Variants in CAMK1D observed in about 807,000 individuals in gnomAD.
CAMK1D encodes calcium/calmodulin dependent protein kinase ID, also known as calcium/calmodulin-dependent protein kinase type 1D.
In CAMK1D, 9 loss-of-function variants were observed where a neutral mutation model predicts 47.7. The ratio of observed to expected loss-of-function variants is 0.19; its 90% CI spans 0.11 to 0.33. The LOEUF is 0.33. CAMK1D is among the 10% of genes least tolerant of loss of function. The pLI, the probability that CAMK1D is intolerant of heterozygous loss-of-function variation, is 1.00. For synonymous variants in CAMK1D, 184 were observed against 184.9 expected (o/e 0.99, Z 0.04); for missense variants, 291 against 488.7 (o/e 0.60, Z 3.81).
chr10:12,771,393 A>G (rs938055143), intron 5 of CAMK1D, among the ~76,000 whole-genome samples: 1 of 152,230 alleles, frequency 6.6e-6, no homozygotes, highest in African/African-American at 2.4e-5. Context: ...CCGGCCTCAA[A>G]CTAAAGGAGA....
intron 1 of CAMK1D, among the ~76,000 whole-genome samples, chr10:12,406,289 G>T (rs1328569408): frequency 6.6e-6 from 1 of 152,110 alleles, no homozygotes; most frequent in Admixed American, 6.5e-5. Context: ...CCTGGTTCAG[G>T]ACCGTCATGT....
At chr10:12,674,598 G>GTTTTTTTTTTTT (rs1491441824) in intron 3 of CAMK1D, among the ~76,000 whole-genome samples, 66 of 16,590 alleles carry the variant, frequency 4.0e-3, no homozygotes, top group South Asian at 8.5e-3. Flanking sequence ...TTGGAAAAAT[G>GTTTTTTTTTTTT]CTTTTTTTTT....
At chr10:12,732,636 A>G (rs1385655475) in intron 3 of CAMK1D, among the ~76,000 whole-genome samples, 3 of 151,904 alleles carry the variant, frequency 2.0e-5, no homozygotes, top group Non-Finnish European at 4.4e-5. Context: ...AGAATAGCAC[A>G]GGAAAGATGG....
chr10:12,612,339 CTTTTTTTT>C (rs11333936), intron 2 of CAMK1D, among the ~76,000 whole-genome samples: 1 of 121,732 alleles, frequency 8.2e-6, no homozygotes, highest in African/African-American at 3.0e-5. Context: ...TAATTAATTA[CTTTTTTTT>C]TTTTTTTTTT....
At chr10:12,603,656 C>T (rs1185955258) in intron 2 of CAMK1D, among the ~76,000 whole-genome samples, 1 of 152,150 alleles carries the variant, frequency 6.6e-6, no homozygotes, top group East Asian at 1.9e-4. Context: ...GATTAGCACC[C>T]GCTGGGGATC....
At chr10:12,492,585 A>G (rs1834420267) in intron 1 of CAMK1D, among the ~76,000 whole-genome samples, 1 of 152,110 alleles carries the variant, frequency 6.6e-6, no homozygotes, top group African/African-American at 2.4e-5. Flanking sequence ...TTTGAGGCCA[A>G]GAGTTTAAGA....
chr10:12,459,374 C>T (rs566841246), intron 1 of CAMK1D, among the ~76,000 whole-genome samples: 13 of 152,092 alleles, frequency 8.5e-5, no homozygotes, highest in Non-Finnish European at 1.6e-4. Context: ...GGTTAATGTT[C>T]TCTGAATGAT....
intron 3 of CAMK1D, among the ~76,000 whole-genome samples, chr10:12,749,446 A>T (rs964475579): frequency 3.2e-5 from 4 of 125,026 alleles, no homozygotes; most frequent in African/African-American, 1.9e-4. Flanking sequence ...AGAAAGTTAA[A>T]AAAAAAAAAA....
chr10:12,370,912 GTTTTAATTTTTAACAAAATTAAAAAGTTA>G (rs1444133752), intron 1 of CAMK1D, among the ~76,000 whole-genome samples: 1 of 151,916 alleles, frequency 6.6e-6, no homozygotes, highest in Admixed American at 6.6e-5. Context: ...CCGGCCTTGT[GTTTTAATTTTTAACAAAATTAAAAAGTTA>G]AAAGAATAGG....
At chr10:12,373,956 C>CAAAAAAA (rs35008954) in intron 1 of CAMK1D, among the ~76,000 whole-genome samples, 2 of 86,120 alleles carry the variant, frequency 2.3e-5, no homozygotes, top group Non-Finnish European at 4.4e-5. Context: ...CACTCTTTAT[C>CAAAAAAA]AAAAAAAAAA....
intron 1 of CAMK1D, among the ~76,000 whole-genome samples, chr10:12,364,022 G>T (rs1022904151): frequency 3.3e-5 from 5 of 151,988 alleles, no homozygotes; most frequent in Non-Finnish European, 7.4e-5. Context: ...TTCAGGAACC[G>T]CCATACTGTT....
At chr10:12,728,085 C>T in intron 3 of CAMK1D, among the ~76,000 whole-genome samples, 1 of 152,158 alleles carries the variant, frequency 6.6e-6, no homozygotes, top group East Asian at 1.9e-4. Flanking sequence ...GCCGTTTATC[C>T]TGACAAATGT....
intron 6 of CAMK1D, among the ~76,000 whole-genome samples, chr10:12,803,062 T>C: frequency 6.6e-6 from 1 of 152,232 alleles, no homozygotes; most frequent in East Asian, 1.9e-4. Flanking sequence ...TGTAAGCAAG[T>C]AGCCTAATCT....
intron 1 of CAMK1D, among the ~76,000 whole-genome samples, chr10:12,467,281 T>A (rs992531708): frequency 7.9e-5 from 12 of 152,040 alleles, no homozygotes; most frequent in Middle Eastern, 3.2e-3. Flanking sequence ...GCCCCCCGAT[T>A]AGCTGGGATT....
At chr10:12,509,460 T>C (rs1834975167) in intron 1 of CAMK1D, among the ~76,000 whole-genome samples, 1 of 152,226 alleles carries the variant, frequency 6.6e-6, no homozygotes, top group Non-Finnish European at 1.5e-5. Context: ...CTTCTAGGAC[T>C]TCTAGGCTGG....
intron 3 of CAMK1D, among the ~76,000 whole-genome samples, chr10:12,748,353 G>T (rs951328739): frequency 1.3e-5 from 2 of 152,212 alleles, no homozygotes; most frequent in African/African-American, 2.4e-5. Context: ...TGAAACTCAT[G>T]CGGTTGCAGG....
At chr10:12,812,202 G>A (rs554552480) in intron 6 of CAMK1D, among the ~76,000 whole-genome samples, 57 of 152,304 alleles carry the variant, frequency 3.7e-4, no homozygotes, top group African/African-American at 1.3e-3. Flanking sequence ...CTAATCCCTC[G>A]CAGTCCTGCG....
chr10:12,664,867 T>G (rs1840379539), intron 2 of CAMK1D, among the ~76,000 whole-genome samples: 1 of 152,238 alleles, frequency 6.6e-6, no homozygotes, highest in African/African-American at 2.4e-5. Flanking sequence ...GGCTCTTCAT[T>G]AACTCTCAAA....
chr10:12,625,583 C>G (rs371106488), intron 2 of CAMK1D, among the ~76,000 whole-genome samples: 25 of 111,728 alleles, frequency 2.2e-4, no homozygotes, highest in Admixed American at 4.5e-4. Flanking sequence ...CTCTCGCCTC[C>G]GCCTCCCAAA....
Sources: allele counts gnomAD v4.1 joint callset (sites outside exome capture counted in the v4.1 genomes callset), GRCh38; gene constraint gnomAD v4.1.1; transcripts MANE v1.5; gene names NCBI Gene and HGNC (gene_info 2026-07-23, HGNC 2026-07-21).